Variants in OR6N1 observed in about 807,000 individuals in gnomAD.
OR6N1 encodes olfactory receptor family 6 subfamily N member 1, also known as olfactory receptor 6N1.
For missense variants in OR6N1, 394 were observed against 371.7 expected (o/e 1.06, Z -0.49); for synonymous variants, 170 against 150.7 (o/e 1.13, Z -0.94).
the OR6N1 span, among the ~76,000 whole-genome samples, chr1:158,838,186 A>G: frequency 3.7e-4 from 57 of 152,040 alleles, 1 homozygote; most frequent in South Asian, 0.011. Context: ...AAGAACTTAC[A>G]TTTTTGTATG....
the OR6N1 span, among the ~76,000 whole-genome samples, chr1:158,792,162 T>C: frequency 8.6e-5 from 13 of 151,872 alleles, no homozygotes; most frequent in Non-Finnish European, 1.5e-4. Context: ...CTTCTTTGTA[T>C]TTTTTTTACT....
the OR6N1 span, among the ~76,000 whole-genome samples, chr1:158,807,635 C>T: frequency 9.8e-3 from 1,497 of 152,308 alleles, 23 homozygotes; most frequent in African/African-American, 0.034. Flanking sequence ...GCTCATGGTG[C>T]GCTGATCTAC....
chr1:158,832,467 C>T, the OR6N1 span, among the ~76,000 whole-genome samples: 1 of 151,634 alleles, frequency 6.6e-6, no homozygotes. Flanking sequence ...GTTAATTTCT[C>T]ATTGTAGTTC....
At chr1:158,825,952 GAAT>G in the OR6N1 span, among the ~76,000 whole-genome samples, 14 of 152,094 alleles carry the variant, frequency 9.2e-5, no homozygotes, top group Non-Finnish European at 1.9e-4. Flanking sequence ...GCCATAAAAA[GAAT>G]AATATGTGTT....
the OR6N1 span, among the ~76,000 whole-genome samples, chr1:158,818,830 T>C: frequency 6.6e-6 from 1 of 152,178 alleles, no homozygotes; most frequent in African/African-American, 2.4e-5. Flanking sequence ...GACCCATTGC[T>C]GAACTACCAC....
the OR6N1 span, among the ~76,000 whole-genome samples, chr1:158,832,912 T>G: frequency 1.3e-5 from 2 of 152,144 alleles, no homozygotes; most frequent in Non-Finnish European, 2.9e-5. Flanking sequence ...GGTATATATT[T>G]TAACTTGGTT....
chr1:158,786,896 A>C, the OR6N1 span, among the ~76,000 whole-genome samples: 1 of 152,212 alleles, frequency 6.6e-6, no homozygotes, highest in Non-Finnish European at 1.5e-5. Flanking sequence ...TATGGTGCAC[A>C]CTGCTCAGGT....
At chr1:158,803,324 A>G in the OR6N1 span, among the ~76,000 whole-genome samples, 1 of 152,182 alleles carries the variant, frequency 6.6e-6, no homozygotes, top group Non-Finnish European at 1.5e-5. Flanking sequence ...CTTAATCAGC[A>G]TTTAGCTTAT....
At chr1:158,791,251 C>T in the OR6N1 span, among the ~76,000 whole-genome samples, 1 of 152,068 alleles carries the variant, frequency 6.6e-6, no homozygotes, top group Non-Finnish European at 1.5e-5. Flanking sequence ...ATAAACATCG[C>T]TTTTAGCACT....
chr1:158,796,396 G>C, the OR6N1 span, among the ~76,000 whole-genome samples: 2 of 152,228 alleles, frequency 1.3e-5, no homozygotes, highest in African/African-American at 2.4e-5. Context: ...TGTCTTGTAG[G>C]CTTCCTTCAT....
upstream of OR6N1, among the ~76,000 whole-genome samples, chr1:158,773,648 A>G (rs1043652705): frequency 3.3e-5 from 5 of 152,118 alleles, no homozygotes; most frequent in African/African-American, 1.2e-4. Context: ...GTCAGCAAAA[A>G]TGATTTCATC....
At chr1:158,777,192 A>G (rs755729492), upstream of OR6N1, 6 of 1,614,004 alleles carry the variant, frequency 3.7e-6, no homozygotes, top group Non-Finnish European at 5.1e-6. Context: ...CACAAGTCCA[A>G]CAAGCAGCAG....
chr1:158,824,828 A>G, the OR6N1 span, among the ~76,000 whole-genome samples: 1 of 152,214 alleles, frequency 6.6e-6, no homozygotes, highest in Admixed American at 6.5e-5. Flanking sequence ...AAGATTAATT[A>G]AAGAGTTAGA....
the OR6N1 span, among the ~76,000 whole-genome samples, chr1:158,784,146 C>T: frequency 6.6e-6 from 1 of 152,040 alleles, no homozygotes; most frequent in Non-Finnish European, 1.5e-5. Context: ...CTCCTCCACC[C>T]CTCTCCACCC....
chr1:158,818,676 G>C, the OR6N1 span, among the ~76,000 whole-genome samples: 1 of 152,150 alleles, frequency 6.6e-6, no homozygotes, highest in East Asian at 1.9e-4. Context: ...CAATGCGCCT[G>C]GGAATCTTTG....
the OR6N1 span, among the ~76,000 whole-genome samples, chr1:158,822,642 T>G: frequency 1.3e-5 from 2 of 152,232 alleles, no homozygotes; most frequent in African/African-American, 4.8e-5. Context: ...TATACAATCA[T>G]GCTTTCTGCA....
At chr1:158,818,336 AC>A in the OR6N1 span, among the ~76,000 whole-genome samples, 1 of 152,242 alleles carries the variant, frequency 6.6e-6, no homozygotes, top group Admixed American at 6.5e-5. Flanking sequence ...GCAGTGGTCA[AC>A]AAATAGGTAT....
At chr1:158,776,872 A>G, upstream of OR6N1, 1 of 1,614,202 alleles carries the variant, frequency 6.2e-7, no homozygotes, top group Non-Finnish European at 8.5e-7. Flanking sequence ...CATGAAGATG[A>G]TGCTCCCAAA....
At chr1:158,775,114 A>C (rs756912851), upstream of OR6N1, 1 of 152,226 alleles carries the variant, frequency 6.6e-6, no homozygotes, top group Non-Finnish European at 1.5e-5. Flanking sequence ...ATGACAAACT[A>C]TATCTATGTA....
Sources: allele counts gnomAD v4.1 joint callset (sites outside exome capture counted in the v4.1 genomes callset), GRCh38; gene constraint gnomAD v4.1.1; transcripts MANE v1.5; gene names NCBI Gene and HGNC (gene_info 2026-07-23, HGNC 2026-07-21).